The following PARVA variants were observed in gnomAD, a reference collection of about 807,000 sequenced individuals.
The protein encoded by PARVA is parvin alpha.
A neutral mutation model predicts 52.6 loss-of-function variants in PARVA; 25 were observed. The ratio of observed to expected loss-of-function variants is 0.48; its 90% confidence interval spans 0.35 to 0.66. The LOEUF (loss-of-function observed/expected upper bound fraction) is 0.66. Ranked by LOEUF, PARVA falls within the 30% of genes least tolerant of loss-of-function variation. The probability of loss-of-function intolerance (pLI) is 0.01; values close to 1 mark genes in which losing one functional copy is unlikely to be tolerated. For missense variants in PARVA, 373 were observed against 450.9 expected, an observed-to-expected ratio of 0.83 and a Z score of 1.56; for synonymous variants, 185 against 179.1, an observed-to-expected ratio of 1.03 and a Z score of -0.26.
chr11:12,504,224 A>G, intron 5 of PARVA, 90 bp from the exon 6 acceptor site: 1 of 701,792 alleles, frequency 1.4e-6, no homozygotes, highest in Non-Finnish European at 2.5e-6. Context: ...AAACTCTATC[A>G]GTGGGGTACT....
intron 1 of PARVA, among the ~76,000 whole-genome samples, chr11:12,388,963 A>G (rs1939619616): frequency 6.6e-6 from 1 of 152,160 alleles, no homozygotes; most frequent in Non-Finnish European, 1.5e-5. Context: ...TTACAGGGCC[A>G]GAGTGTGATA....
rs535193402 is a variant in PARVA, at chr11:12,491,407, G to C, written c.401-5051G>C. On this transcript the variant is annotated intron_variant, in intron 4 of 12. Transcript: ENST00000334956. ...GGTCTCCAACTCCTGGCCTCAAGCA[G>C]TCCTCCTGCCTCAGCTTCCCAAAGT... Among the ~76,000 whole-genome samples the C allele has an allele frequency of 3.3e-5, 5 of 152,200 alleles. No individual in the cohort carries two copies. The East Asian group carries it at 7.7e-4, about 24-fold the overall frequency.
chr11:12,498,025 T>G (rs959728688), intron 5 of PARVA, among the ~76,000 whole-genome samples: 2 of 151,634 alleles, frequency 1.3e-5, no homozygotes, highest in African/African-American at 4.8e-5. Context: ...AAGAACAGAG[T>G]CTTTTATTAC....
At chr11:12,517,122 C>T (rs1202361045) in intron 10 of PARVA, among the ~76,000 whole-genome samples, 5 of 152,074 alleles carry the variant, frequency 3.3e-5, no homozygotes, top group Non-Finnish European at 5.9e-5. Flanking sequence ...TGCTCATCCT[C>T]AGCTCTCCAC....
intron 1 of PARVA, among the ~76,000 whole-genome samples, chr11:12,439,922 C>T (rs926587535): frequency 6.6e-6 from 1 of 152,194 alleles, no homozygotes; most frequent in African/African-American, 2.4e-5. Context: ...CTATGACCAC[C>T]TGTTTAAATA....
chr11:12,442,712 G>C (rs961960907), intron 1 of PARVA, among the ~76,000 whole-genome samples: 1 of 151,950 alleles, frequency 6.6e-6, no homozygotes, highest in Non-Finnish European at 1.5e-5. Flanking sequence ...CATGAGAACC[G>C]AGGGGAAAAG....
intron 1 of PARVA, among the ~76,000 whole-genome samples, chr11:12,421,253 A>G (rs1294112470): frequency 6.6e-6 from 1 of 152,072 alleles, no homozygotes; most frequent in East Asian, 1.9e-4. Context: ...TCTCTGCCCA[A>G]AACTGAAGTG....
chr11:12,382,378 TTTC>T (rs1228362444), intron 1 of PARVA, among the ~76,000 whole-genome samples: 2 of 136,042 alleles, frequency 1.5e-5, no homozygotes, highest in East Asian at 2.0e-4. Flanking sequence ...TGAGTAACTT[TTTC>T]TTTTTTTTTT....
rs992914147 is a variant in PARVA at position 12,420,032 on chromosome 11, A to G, written c.136+42249A>G. 2.0e-5 allele frequency among the ~76,000 whole-genome samples: 3 copies of G among 152,216 alleles called. 1 individual carries two copies. In the South Asian group the frequency reaches 6.2e-4, roughly 32 times the overall value. ...ATATTAATTATAAGTTCTGTTCAGT[A>G]ATGTTCCGAATACATACGTAGCTAG... On this transcript the variant is annotated intron_variant, in intron 1 of 12. Transcript: ENST00000334956.
rs576247870 is a variant in PARVA at position 12,482,264 on chromosome 11, G to C, written c.400+4315G>C. On this transcript the variant is annotated intron_variant, in intron 4 of 12. Transcript: ENST00000334956. ...AGAACCTAGAGGCAGAAGTGTGTGAGAAGGTGTGGCAGTGTATTAGTCTGT... is the reference window on the plus strand; with the variant it reads ...AGAACCTAGAGGCAGAAGTGTGTGACAAGGTGTGGCAGTGTATTAGTCTGT... Among the ~76,000 whole-genome samples the C allele has an allele frequency of 2.6e-5, 4 of 152,190 alleles. No individual in the cohort carries two copies. The South Asian group carries it at 8.3e-4, about 32-fold the overall frequency.
At chr11:12,402,377 A>G (rs2134965773) in intron 1 of PARVA, among the ~76,000 whole-genome samples, 1 of 152,330 alleles carries the variant, frequency 6.6e-6, no homozygotes, top group South Asian at 2.1e-4. Context: ...CCATTGGCCA[A>G]ACTCAACCAC....
upstream of PARVA, chr11:12,377,538 T>G: frequency 6.8e-7 from 1 of 1,461,648 alleles, no homozygotes; most frequent in Non-Finnish European, 9.2e-7. Flanking sequence ...ATGCTTGGAA[T>G]AATTCCGCTT....
rs1031387243 is a variant in PARVA at position 12,408,271 on chromosome 11, G to A, written c.136+30488G>A. On this transcript the variant is annotated intron_variant, in intron 1 of 12. Coordinates refer to ENST00000334956, the MANE Select transcript of PARVA (RefSeq NM_018222.5). ...TCATATGCCTCCTGTGCCACTGACC[G>A]TTTCATGTTTGGGGTTGGTTTTCCC... 3.9e-5 allele frequency among the ~76,000 whole-genome samples: 6 copies of A among 152,066 alleles called. No homozygotes were observed. In the East Asian group the frequency reaches 9.6e-4, roughly 24 times the overall value.
At chr11:12,466,562 C>A (rs923950512) in intron 1 of PARVA, among the ~76,000 whole-genome samples, 2 of 152,050 alleles carry the variant, frequency 1.3e-5, no homozygotes, top group African/African-American at 4.8e-5. Flanking sequence ...CCTCGGCCAC[C>A]CAGAGTGCTG....
At chr11:12,488,954 C>T (rs1313069508) in intron 4 of PARVA, among the ~76,000 whole-genome samples, 7 of 151,956 alleles carry the variant, frequency 4.6e-5, no homozygotes, top group African/African-American at 9.7e-5. Flanking sequence ...AAGACATGAG[C>T]GTAAGCCACC....
intron 1 of PARVA, among the ~76,000 whole-genome samples, chr11:12,429,996 CTT>C (rs1452481466): frequency 1.3e-5 from 2 of 152,104 alleles, no homozygotes; most frequent in Non-Finnish European, 2.9e-5. Flanking sequence ...ACTACAGACA[CTT>C]TTAAATTTTA....
At chr11:12,461,764 C>T (rs1589966402) in intron 1 of PARVA, among the ~76,000 whole-genome samples, 1 of 152,244 alleles carries the variant, frequency 6.6e-6, no homozygotes, top group East Asian at 1.9e-4. Flanking sequence ...ATGAAACAGA[C>T]CAAAACAAAG....
At chr11:12,485,479 T>C (rs1160020848) in intron 4 of PARVA, among the ~76,000 whole-genome samples, 1 of 152,068 alleles carries the variant, frequency 6.6e-6, no homozygotes, top group Non-Finnish European at 1.5e-5. Context: ...AGAAAAAATA[T>C]ATATACAGGG....
At chr11:12,483,636 CAG>C (rs1941118180) in intron 4 of PARVA, among the ~76,000 whole-genome samples, 1 of 152,212 alleles carries the variant, frequency 6.6e-6, no homozygotes, top group South Asian at 2.1e-4. Context: ...AGATGGCCAT[CAG>C]TGTGCTAGGA....
Sources: gnomAD v4.1 joint callset for allele counts (sites outside exome capture counted in the v4.1 genomes callset) on GRCh38, gnomAD v4.1.1 for gene constraint, MANE v1.5 for transcripts, NCBI Gene and HGNC (gene_info 2026-07-23, HGNC 2026-07-21) for gene names.